Variants in VPS37A observed in about 807,000 individuals in gnomAD.
The protein encoded by VPS37A is vacuolar protein sorting-associated protein 37A.
Under a neutral mutation model 49.8 loss-of-function variants are expected in VPS37A, and 30 were observed. That is an observed-to-expected ratio of 0.60 (90% confidence interval 0.45 to 0.82). The LOEUF (loss-of-function observed/expected upper bound fraction) is 0.82. Among genes scored for constraint, VPS37A ranks in the 40% least tolerant of loss-of-function variants. The pLI, the probability that VPS37A is intolerant of heterozygous loss-of-function variation, is 0.00. For synonymous variants in VPS37A, 195 were observed against 160.6 expected (o/e 1.21, Z -1.62); for missense variants, 593 against 464.4 (o/e 1.28, Z -2.55).
intron 4 of VPS37A, among the ~76,000 whole-genome samples, chr8:17,273,023 CTTTTTTTTT>C (rs1166192119): frequency 4.6e-5 from 2 of 43,826 alleles, no homozygotes; most frequent in African/African-American, 2.0e-4. Flanking sequence ...TTTGCCCTTC[CTTTTTTTTT>C]TTTTTTTTTT....
chr8:17,251,795 A>G (rs1277228794), intron 1 of VPS37A, among the ~76,000 whole-genome samples: 4 of 152,076 alleles, frequency 2.6e-5, no homozygotes, highest in Non-Finnish European at 4.4e-5. Flanking sequence ...TTGTTTTAAT[A>G]TTTTCTTTTG....
At chr8:17,292,599 AGTTATTCCTTTCCAT>A (rs1199537357) in intron 11 of VPS37A, among the ~76,000 whole-genome samples, 1 of 152,160 alleles carries the variant, frequency 6.6e-6, no homozygotes, top group Non-Finnish European at 1.5e-5. Flanking sequence ...GGCTGGTACC[AGTTATTCCTTTCCAT>A]GTTTAGTGCT....
At chr8:17,257,271 C>G (rs1439935639) in intron 1 of VPS37A, among the ~76,000 whole-genome samples, 1 of 152,112 alleles carries the variant, frequency 6.6e-6, no homozygotes, top group Non-Finnish European at 1.5e-5. Context: ...CTCCATTGGT[C>G]TGTGTGTTTG....
rs1004109008 is a variant in VPS37A, at chr8:17,295,420, C to T, written c.*434C>T. The T allele has an allele frequency of 2.0e-5, 3 of 152,428 alleles. No individual in the cohort carries two copies. Among genetic ancestry groups the T allele is most frequent in the African/African-American group, 4.8e-5 (2 of 41,398 alleles). 9.4% of individuals were successfully genotyped at this position (152,428 alleles called of 1,614,324 possible). On this transcript the variant is annotated 3_prime_UTR_variant, in exon 12 of 12. Transcript: ENST00000324849. Reference sequence around the variant, plus strand: ...AAAACTATTTTCAACTGTGAGGAAACCCTTATTTTTCTTTCTTTGTGGATA... The same window carrying T: ...AAAACTATTTTCAACTGTGAGGAAATCCTTATTTTTCTTTCTTTGTGGATA...
chr8:17,324,378 C>T, the VPS37A span, among the ~76,000 whole-genome samples: 63,172 of 152,084 alleles, frequency 0.42, 15,042 homozygotes, highest in East Asian at 0.78. Context: ...CACTCTCCAT[C>T]TTCAGATTGG....
At position 17,276,454 on chromosome 8, in the gene VPS37A, C is replaced by T; in HGVS notation, c.700C>T (p.Leu234Phe). The T allele has an allele frequency of 1.2e-6, 2 of 1,611,258 alleles. No homozygotes were observed. Among genetic ancestry groups the T allele is most frequent in the African/African-American group, 1.3e-5 (1 of 74,866 alleles). Residue 234 changes from leucine to phenylalanine, a missense_variant, in exon 6 of 12, where the codon CTC becomes TTC. Leu to Phe is a conservative substitution (Grantham distance 22). Transcript: ENST00000324849. ...MPDVPDAFPE[L>F]SELSVSQLTD... ...AGATGTCCCTGATGCATTTCCAGAA[C>T]TCTCAGAACTAAGGTAAACCTGGAA...
intron 4 of VPS37A, among the ~76,000 whole-genome samples, chr8:17,272,572 TG>T (rs1814095237): frequency 6.6e-6 from 1 of 152,206 alleles, no homozygotes; most frequent in South Asian, 2.1e-4. Flanking sequence ...TTTTGTGGGT[TG>T]TACCTGCTAC....
intron 10 of VPS37A, among the ~76,000 whole-genome samples, chr8:17,284,927 A>T (rs879459263): frequency 6.6e-6 from 1 of 152,128 alleles, no homozygotes; most frequent in African/African-American, 2.4e-5. Context: ...GACTTGAGAT[A>T]TAAATGAGAG....
At chr8:17,329,591 AAAG>A in the VPS37A span, among the ~76,000 whole-genome samples, 12 of 152,238 alleles carry the variant, frequency 7.9e-5, no homozygotes, top group Non-Finnish European at 1.5e-4. Context: ...AATTTTCTGC[AAAG>A]AAGAATATTT....
intron 4 of VPS37A, among the ~76,000 whole-genome samples, chr8:17,269,698 A>G (rs564919186): frequency 1.3e-5 from 2 of 152,096 alleles, no homozygotes; most frequent in African/African-American, 4.8e-5. Context: ...TCATCCTGGG[A>G]TTTTCCCTTT....
At chr8:17,278,413 A>G (rs1418807424) in intron 6 of VPS37A, among the ~76,000 whole-genome samples, 1 of 152,136 alleles carries the variant, frequency 6.6e-6, no homozygotes, top group Non-Finnish European at 1.5e-5. Flanking sequence ...ACTGAAGTAT[A>G]CTTCATACAG....
chr8:17,268,792 C>A, intron 3 of VPS37A, 64 bp from the exon 4 acceptor site: 1 of 1,095,600 alleles, frequency 9.1e-7, no homozygotes, highest in Non-Finnish European at 1.4e-6. Flanking sequence ...GTGACATTAT[C>A]CTAATGAGAC....
At chr8:17,300,232 A>G, downstream of VPS37A, 2 of 1,591,512 alleles carry the variant, frequency 1.3e-6, no homozygotes. Context: ...CCTCTAAGAA[A>G]GAAATAACAA....
At chr8:17,319,882 C>T in the VPS37A span, among the ~76,000 whole-genome samples, 2 of 152,170 alleles carry the variant, frequency 1.3e-5, no homozygotes, top group Admixed American at 1.3e-4. Context: ...GTTGTGCTTT[C>T]TATCACTTAC....
intron 11 of VPS37A, among the ~76,000 whole-genome samples, chr8:17,289,842 A>T (rs1815974146): frequency 6.6e-6 from 1 of 152,190 alleles, no homozygotes; most frequent in African/African-American, 2.4e-5. Context: ...TGAGCATGGA[A>T]TGTTTTTCCA....
intron 1 of VPS37A, among the ~76,000 whole-genome samples, chr8:17,250,476 A>G (rs776132273): frequency 5.9e-5 from 9 of 152,182 alleles, no homozygotes; most frequent in East Asian, 3.8e-4. Context: ...AGGAATATCA[A>G]TATCTTGTTA....
chr8:17,283,282 A>G (rs1046100026), intron 9 of VPS37A, among the ~76,000 whole-genome samples: 2 of 151,838 alleles, frequency 1.3e-5, no homozygotes, highest in African/African-American at 4.8e-5. Flanking sequence ...CATCCTCCCA[A>G]GTAGCCAAGG....
chr8:17,299,877 C>A (rs376602011), downstream of VPS37A: 1 of 1,614,042 alleles, frequency 6.2e-7, no homozygotes. Flanking sequence ...CAGTGAGAAA[C>A]ACGGCTTCAT....
intron 1 of VPS37A, among the ~76,000 whole-genome samples, chr8:17,249,785 A>G (rs776119285): frequency 3.9e-5 from 6 of 152,224 alleles, no homozygotes; most frequent in Non-Finnish European, 7.3e-5. Context: ...TAACAAGCGA[A>G]AAGCATAACA....
Sources: gnomAD v4.1 joint callset for allele counts (sites outside exome capture counted in the v4.1 genomes callset) on GRCh38, gnomAD v4.1.1 for gene constraint, MANE v1.5 for transcripts, NCBI Gene and HGNC (gene_info 2026-07-23, HGNC 2026-07-21) for gene names.